The following PCDH15 variants were observed in gnomAD, a reference collection of about 807,000 sequenced individuals.
PCDH15 encodes the protein protocadherin-15.
PCDH15 carries 129 observed loss-of-function variants against 178.5 expected under a neutral mutation model. The observed-to-expected ratio is 0.72, with a 90% CI of 0.63 to 0.84. The LOEUF (loss-of-function observed/expected upper bound fraction) is 0.84. Among genes scored for constraint, PCDH15 ranks in the 40% least tolerant of loss-of-function variants. The pLI, the probability that PCDH15 is intolerant of heterozygous loss-of-function variation, is 0.00. For missense variants in PCDH15, 2,230 were observed against 2,099.9 expected (o/e 1.06, Z -1.21); for synonymous variants, 800 against 732.0 (o/e 1.09, Z -1.50).
rs756007561 is a variant in PCDH15, at chr10:53,806,947, G to A, written c.4855C>T (p.Leu1619Phe). 3 of 1,613,730 alleles carry A rather than the reference G, an allele frequency of 1.9e-6. No homozygotes were observed. The highest frequency in any genetic ancestry group is 2.7e-5 in the African/African-American group (2 of 74,892). Residue 1619 changes from leucine (L) to phenylalanine (F), a missense_variant, in exon 38 of 38, where the codon CTC becomes TTC. Coordinates refer to ENST00000644397, the MANE Select transcript of PCDH15 (RefSeq NM_001384140.1). ...GSVVRTRRACLTDNLKVASPV... is the reference protein window; with the variant it reads ...GSVVRTRRACFTDNLKVASPV... ...GAAGCAACTTTTAAGTTGTCCGTGA[G>A]GCAGGCACGGCGGGTTCTCACCACA...
intron 2 of PCDH15, among the ~76,000 whole-genome samples, chr10:55,008,072 T>A (rs1169074333): frequency 6.6e-6 from 1 of 152,198 alleles, no homozygotes; most frequent in Non-Finnish European, 1.5e-5. Flanking sequence ...CACTACATCA[T>A]CTGAAGAAAT....
intron 5 of PCDH15, among the ~76,000 whole-genome samples, chr10:54,366,180 A>T (rs752227303): frequency 6.6e-6 from 1 of 152,100 alleles, no homozygotes; most frequent in Non-Finnish European, 1.5e-5. Context: ...GAATAAAAAG[A>T]GTGACTAATC....
At chr10:55,185,255 G>A (rs999217079) in intron 1 of PCDH15, among the ~76,000 whole-genome samples, 1 of 151,694 alleles carries the variant, frequency 6.6e-6, no homozygotes, top group African/African-American at 2.4e-5. Context: ...TGTTTAGGTG[G>A]TATACACTTT....
In PCDH15 at chr10:53,840,435, C is replaced by T. The variant is rs2077572914; in HGVS notation, c.3868G>A (p.Gly1290Arg). 5 of 1,613,912 alleles carry T rather than the reference C, an allele frequency of 3.1e-6. No homozygotes were observed. The South Asian group carries it at 4.4e-5, about 14-fold the overall frequency. Residue 1290 changes from glycine to arginine, a missense_variant, in exon 29 of 38, where the codon GGA becomes AGA. By Grantham distance (125) the Gly-to-Arg change is moderately radical. Transcript: ENST00000644397. ...AAGGCATCTCCATGCCGGCGAGCTC[C>T]AATGGACTCCACTACGACCTTGGCA... ...PGAKVVVESI[G>R]ARRHGDAFSL...
chr10:55,334,312 A>T (rs78628524), intron 2 of PCDH15, among the ~76,000 whole-genome samples: 19,851 of 121,860 alleles, frequency 0.16, 2,244 homozygotes, highest in African/African-American at 0.25. Context: ...ATATATATAT[A>T]TATTTTTTTT....
At chr10:55,225,057 AT>A (rs1840989228) in intron 1 of PCDH15, among the ~76,000 whole-genome samples, 1 of 151,706 alleles carries the variant, frequency 6.6e-6, no homozygotes, top group Admixed American at 6.6e-5. Context: ...TTCTTGTCTT[AT>A]TGTTTTAGTA....
chr10:53,930,243 G>C (rs890210416), intron 25 of PCDH15, among the ~76,000 whole-genome samples: 2 of 151,852 alleles, frequency 1.3e-5, no homozygotes, highest in Middle Eastern at 7.0e-3. Context: ...CAGATCACGA[G>C]GTCAGGAGAT....
At chr10:53,841,947 G>GA (rs539058922) in intron 28 of PCDH15, among the ~76,000 whole-genome samples, 31,900 of 100,634 alleles carry the variant, frequency 0.32, 4,829 homozygotes, top group East Asian at 0.74. Context: ...TCTCCAAAGG[G>GA]AAAAAAAAAA....
chr10:55,378,086 A>G (rs189052168), intron 2 of PCDH15, among the ~76,000 whole-genome samples: 10 of 152,224 alleles, frequency 6.6e-5, no homozygotes, highest in Admixed American at 3.3e-4. Context: ...GAGGGATAGC[A>G]TTAGGAGAAA....
At chr10:54,234,132 C>CTGTGTGTGTGTGTGTGTGTGTGTGTG (rs35466519) in intron 9 of PCDH15, among the ~76,000 whole-genome samples, 1 of 138,466 alleles carries the variant, frequency 7.2e-6, no homozygotes, top group Non-Finnish European at 1.6e-5. Flanking sequence ...ATATCCCCTT[C>CTGTGTGTGTGTGTGTGTGTGTGTGTG]TGTGTGTGTG....
At chr10:55,368,761 A>T (rs993672704) in intron 2 of PCDH15, among the ~76,000 whole-genome samples, 4 of 152,094 alleles carry the variant, frequency 2.6e-5, no homozygotes, top group African/African-American at 9.6e-5. Context: ...AACTCCTAAG[A>T]AAATGACACT....
At chr10:54,047,317 G>C (rs1386750975) in intron 18 of PCDH15, among the ~76,000 whole-genome samples, 1 of 149,622 alleles carries the variant, frequency 6.7e-6, no homozygotes, top group Non-Finnish European at 1.5e-5. Context: ...ATTTTTTCCA[G>C]TACCAACTAT....
chr10:54,019,565 A>T (rs2092847187), intron 20 of PCDH15, among the ~76,000 whole-genome samples: 1 of 152,098 alleles, frequency 6.6e-6, no homozygotes, highest in African/African-American at 2.4e-5. Flanking sequence ...TCTCATATCT[A>T]CTTTTGTCTC....
chr10:53,937,495 T>A (rs1391212392), intron 25 of PCDH15, among the ~76,000 whole-genome samples: 2 of 152,188 alleles, frequency 1.3e-5, no homozygotes, highest in Non-Finnish European at 2.9e-5. Flanking sequence ...TTTAAAGATT[T>A]TAGAAACTCA....
At chr10:55,459,784 T>A (rs2132091099) in intron 2 of PCDH15, among the ~76,000 whole-genome samples, 1 of 152,184 alleles carries the variant, frequency 6.6e-6, no homozygotes, top group Admixed American at 6.6e-5. Context: ...GTTTAAGAAA[T>A]CTGGAAGACC....
intron 1 of PCDH15, among the ~76,000 whole-genome samples, chr10:55,206,878 T>C (rs1173506917): frequency 1.3e-5 from 2 of 152,078 alleles, no homozygotes; most frequent in African/African-American, 2.4e-5. Context: ...TAGATAGATA[T>C]GATGAATGAT....
At chr10:54,692,053 TTTTA>T (rs1169202657) in intron 1 of PCDH15, among the ~76,000 whole-genome samples, 1 of 152,162 alleles carries the variant, frequency 6.6e-6, no homozygotes, top group African/African-American at 2.4e-5. Flanking sequence ...TCTTCAATAA[TTTTA>T]TTTGTTTCCA....
rs796586675 is a variant in PCDH15, at chr10:54,062,252, ACAAAAAAC to A, written c.2220+4497_2220+4504del. 4.8e-4 allele frequency among the ~76,000 whole-genome samples: 35 copies of A among 72,214 alleles called. 2 individuals carry two copies. The highest frequency in any genetic ancestry group is 8.5e-4 in the Non-Finnish European group (28 of 32,948). The allele number at this position is 72,214 out of a possible 152,430, so 47.4% of individuals were successfully genotyped here. A position where few individuals can be genotyped will look rare whatever the true frequency, so the allele number is the denominator to read the frequency against. On this transcript the variant is annotated intron_variant, in intron 18 of 37. Coordinates refer to ENST00000644397, the MANE Select transcript of PCDH15 (RefSeq NM_001384140.1). ...CAAAAAAAAAAAAAAAAAAAAAAAA[ACAAAAAAC>A]AACTAAATGAAAACTCCCTTCAGCA...
rs553191216 is a variant in PCDH15, at chr10:55,211,471, C to A, written c.-155-44820G>T. Among the ~76,000 whole-genome samples, 8 of 152,138 alleles carry A rather than the reference C, an allele frequency of 5.3e-5. No homozygotes were observed. The East Asian group carries it at 7.7e-4, about 15-fold the overall frequency. ...AAACAATTCATTTGGAAAATATAAA[C>A]ATTTAGGGAAAAAGAAATTCACATA... On this transcript the variant is annotated intron_variant, in intron 1 of 5. Coordinates refer to the PCDH15 transcript ENST00000458638.
Sources: allele counts gnomAD v4.1 joint callset (sites outside exome capture counted in the v4.1 genomes callset), GRCh38; gene constraint gnomAD v4.1.1; transcripts MANE v1.5; gene names NCBI Gene and HGNC (gene_info 2026-07-23, HGNC 2026-07-21).